The following SMIM36 variants were observed in gnomAD, a reference collection of about 807,000 sequenced individuals.
SMIM36 encodes small integral membrane protein 36.
At chr17:55,473,088 T>C (rs574313893) in intron 3 of SMIM36, among the ~76,000 whole-genome samples, 2 of 152,198 alleles carry the variant, frequency 1.3e-5, no homozygotes, top group African/African-American at 4.8e-5. Context: ...TCATGGAAAA[T>C]TCACTCTTCC....
rs138755479 is a variant in SMIM36 at position 55,476,305 on chromosome 17, C to T, written c.*347+2457G>A. Among the ~76,000 whole-genome samples, 922 of 152,166 alleles carry T rather than the reference C, an allele frequency of 6.1e-3. 8 individuals are homozygous for T. Among genetic ancestry groups the T allele is most frequent in the African/African-American group, 0.019 (788 of 41,522 alleles). Reference sequence around the variant, plus strand: ...ACAGTGAGTCTCAGCAGCTCCCCACCGAGCGCCTTGTGACCCCTACCCCTG... The same window carrying T: ...ACAGTGAGTCTCAGCAGCTCCCCACTGAGCGCCTTGTGACCCCTACCCCTG... On this transcript the variant is annotated intron_variant, in intron 3 of 4. Transcript: ENST00000636752.
chr17:55,488,846 A>G (rs901987147), intron 1 of SMIM36, among the ~76,000 whole-genome samples: 1 of 152,176 alleles, frequency 6.6e-6, no homozygotes, highest in South Asian at 2.1e-4. Context: ...AAACGGCCCT[A>G]TAACTTGTAT....
At chr17:55,472,883 A>G (rs936453461) in intron 3 of SMIM36, among the ~76,000 whole-genome samples, 2 of 12,880 alleles carry the variant, frequency 1.6e-4, no homozygotes, top group African/African-American at 7.9e-4. Flanking sequence ...AAAAAAAAAG[A>G]AAAGAAAAGA....
chr17:55,488,491 A>G (rs1015505902), intron 1 of SMIM36, among the ~76,000 whole-genome samples: 1 of 152,230 alleles, frequency 6.6e-6, no homozygotes, highest in Non-Finnish European at 1.5e-5. Context: ...CTTCTAGCAT[A>G]CATATGTACA....
the SMIM36 span, among the ~76,000 whole-genome samples, chr17:55,530,967 G>A: frequency 5.9e-5 from 9 of 152,092 alleles, no homozygotes; most frequent in African/African-American, 1.9e-4. Context: ...TCCTATTTAA[G>A]CCTACCTAAT....
intron 1 of SMIM36, among the ~76,000 whole-genome samples, chr17:55,507,634 C>T (rs1598459233): frequency 7.4e-6 from 1 of 134,994 alleles, no homozygotes; most frequent in South Asian, 2.6e-4. Context: ...TGCTAGATGA[C>T]GAGTTAGTGG....
intron 1 of SMIM36, among the ~76,000 whole-genome samples, chr17:55,495,845 A>G (rs1256139537): frequency 6.6e-6 from 1 of 152,196 alleles, no homozygotes; most frequent in Non-Finnish European, 1.5e-5. Context: ...GAGAAAATGA[A>G]TATAAAGTCT....
intron 1 of SMIM36, among the ~76,000 whole-genome samples, chr17:55,508,412 T>A (rs909623595): frequency 3.5e-4 from 48 of 135,940 alleles, no homozygotes; most frequent in Non-Finnish European, 5.7e-4. Flanking sequence ...TATACATATT[T>A]TATATATATA....
chr17:55,490,700 G>T (rs538364994), intron 1 of SMIM36, among the ~76,000 whole-genome samples: 8 of 152,132 alleles, frequency 5.3e-5, no homozygotes, highest in African/African-American at 1.9e-4. Context: ...TGTGTTATGA[G>T]GACCCAGGAA....
At chr17:55,500,796 T>TATA (rs749002177) in intron 1 of SMIM36, among the ~76,000 whole-genome samples, 1 of 20,152 alleles carries the variant, frequency 5.0e-5, no homozygotes, top group African/African-American at 7.5e-4. Flanking sequence ...TATTATATAT[T>TATA]TTATAATATA....
chr17:55,465,071 T>G (rs530127985), intron 4 of SMIM36, among the ~76,000 whole-genome samples: 1 of 152,342 alleles, frequency 6.6e-6, no homozygotes, highest in South Asian at 2.1e-4. Context: ...AATAGAAGTG[T>G]ACAGTGGGCA....
chr17:55,473,430 G>A (rs1008946508), intron 3 of SMIM36, among the ~76,000 whole-genome samples: 2 of 152,076 alleles, frequency 1.3e-5, no homozygotes, highest in South Asian at 2.1e-4. Flanking sequence ...AGGCTACTGC[G>A]GTCATTTCTT....
At chr17:55,514,757 C>A (rs1187284017), upstream of SMIM36, among the ~76,000 whole-genome samples, 1 of 152,114 alleles carries the variant, frequency 6.6e-6, no homozygotes, top group Non-Finnish European at 1.5e-5. Context: ...ATATGTGTCC[C>A]ATATAAATAC....
At chr17:55,474,706 G>C (rs950808898) in intron 3 of SMIM36, among the ~76,000 whole-genome samples, 1 of 152,168 alleles carries the variant, frequency 6.6e-6, no homozygotes, top group African/African-American at 2.4e-5. Context: ...GAAACAGTGC[G>C]TGTGTGCCCT....
chr17:55,513,977 T>C (rs9915073), upstream of SMIM36, among the ~76,000 whole-genome samples: 1,488 of 152,284 alleles, frequency 9.8e-3, 23 homozygotes, highest in African/African-American at 0.034. Flanking sequence ...CAGTATCTTA[T>C]TTCTATTAGC....
upstream of SMIM36, chr17:55,511,505 T>A (rs920269709): frequency 1.2e-4 from 44 of 376,172 alleles, no homozygotes; most frequent in Non-Finnish European, 1.8e-4. Context: ...CTCGGTTTAA[T>A]AACTTAAGCT....
At chr17:55,471,010 C>A (rs1328845307) in intron 3 of SMIM36, among the ~76,000 whole-genome samples, 1 of 152,166 alleles carries the variant, frequency 6.6e-6, no homozygotes, top group Non-Finnish European at 1.5e-5. Context: ...TCCTTCCCAT[C>A]CATCCTATAG....
At chr17:55,484,027 T>C (rs1424123656) in intron 1 of SMIM36, among the ~76,000 whole-genome samples, 1 of 152,230 alleles carries the variant, frequency 6.6e-6, no homozygotes, top group Non-Finnish European at 1.5e-5. Flanking sequence ...CTGACTAATA[T>C]AGACTGCTCC....
chr17:55,520,592 T>A, the SMIM36 span, among the ~76,000 whole-genome samples: 1 of 152,110 alleles, frequency 6.6e-6, no homozygotes, highest in East Asian at 1.9e-4. Context: ...GCATGTACAG[T>A]GCGGATACAA....
Sources: gnomAD v4.1 joint callset for allele counts (sites outside exome capture counted in the v4.1 genomes callset) on GRCh38, gnomAD v4.1.1 for gene constraint, MANE v1.5 for transcripts, NCBI Gene and HGNC (gene_info 2026-07-23, HGNC 2026-07-21) for gene names.